NWD1: variants seen among roughly 807,000 people sequenced by gnomAD.
NWD1 encodes NACHT domain- and WD repeat-containing protein 1.
Under a neutral mutation model 135.1 loss-of-function variants are expected in NWD1, and 129 were observed. The ratio of observed to expected loss-of-function variants is 0.96; its 90% CI spans 0.83 to 1.11. NWD1 has a LOEUF of 1.11. Among genes scored for constraint, NWD1 ranks in the 50% least tolerant of loss-of-function variants. The pLI is 0.00. For synonymous variants in NWD1, 773 were observed against 786.0 expected (o/e 0.98, Z 0.28); for missense variants, 1,740 against 1,851.3 (o/e 0.94, Z 1.10).
At chr19:16,784,752 A>G (rs890002606) in intron 12 of NWD1, among the ~76,000 whole-genome samples, 3 of 151,930 alleles carry the variant, frequency 2.0e-5, no homozygotes, top group African/African-American at 7.3e-5. Context: ...AACATGGTGA[A>G]CCCCTGTCTC....
intron 5 of NWD1, among the ~76,000 whole-genome samples, chr19:16,746,519 A>G (rs1334752253): frequency 2.7e-5 from 4 of 149,692 alleles, no homozygotes; most frequent in Non-Finnish European, 5.9e-5. Flanking sequence ...CTAAAATTAC[A>G]AAAATTAGCT....
Position 16,785,164 on chromosome 19 carries a change from G to A in NWD1, c.2732-3818G>A, listed in dbSNP as rs969992830. Reference sequence around the variant, plus strand: ...ATGTTCTGGAACTAGATAGAGTGATGGTTGCACAACACTGTGAATGGCTAA... The same window carrying A: ...ATGTTCTGGAACTAGATAGAGTGATAGTTGCACAACACTGTGAATGGCTAA... On this transcript the variant is annotated intron_variant, in intron 12 of 18. Coordinates refer to ENST00000524140, the MANE Select transcript of NWD1 (RefSeq NM_001007525.5). 2.1e-3 allele frequency among the ~76,000 whole-genome samples: 316 copies of A among 152,006 alleles called. 9 individuals carry two copies. Among genetic ancestry groups the A allele is most frequent in the Admixed American group, 0.021 (316 of 15,220 alleles).
At chr19:16,804,237 T>C (rs1228333642) in intron 17 of NWD1, among the ~76,000 whole-genome samples, 1 of 152,104 alleles carries the variant, frequency 6.6e-6, no homozygotes, top group Non-Finnish European at 1.5e-5. Context: ...CCAGTCTTAG[T>C]CAATTCCGGC....
At chr19:16,737,571 T>C (rs1026905699) in intron 4 of NWD1, among the ~76,000 whole-genome samples, 1 of 151,894 alleles carries the variant, frequency 6.6e-6, no homozygotes, top group Non-Finnish European at 1.5e-5. Flanking sequence ...TTTAAGTTTT[T>C]TTTTTTTTTT....
chr19:16,791,049 T>G (rs1970226479), intron 13 of NWD1, among the ~76,000 whole-genome samples: 1 of 151,800 alleles, frequency 6.6e-6, no homozygotes, highest in African/African-American at 2.4e-5. Context: ...CTGGGCAACA[T>G]AGTCAGACCC....
intron 10 of NWD1, among the ~76,000 whole-genome samples, chr19:16,770,406 T>G (rs981588609): frequency 1.3e-5 from 2 of 152,170 alleles, no homozygotes; most frequent in African/African-American, 2.4e-5. Flanking sequence ...GATTGTAAGT[T>G]TCCTGAGGCC....
chr19:16,747,310 C>G (rs962531699), intron 5 of NWD1, among the ~76,000 whole-genome samples: 1 of 151,136 alleles, frequency 6.6e-6, no homozygotes, highest in African/African-American at 2.4e-5. Context: ...GCTGGGATTA[C>G]AGGTATGAGC....
intron 4 of NWD1, among the ~76,000 whole-genome samples, chr19:16,738,875 CATTATAT>C (rs935509426): frequency 1.8e-4 from 25 of 140,424 alleles, no homozygotes; most frequent in Non-Finnish European, 2.7e-4. Flanking sequence ...ATATATAATA[CATTATAT>C]ATTATATATA....
At position 16,815,254 on chromosome 19, in the gene NWD1, G is replaced by A. The variant is rs777545288; in HGVS notation, c.*215G>A. 1.0e-5 allele frequency: 8 copies of A among 782,160 alleles called. No individual in the cohort carries two copies. The highest frequency in any genetic ancestry group is 1.9e-5 in the Non-Finnish European group (8 of 419,280). 48.5% of individuals were successfully genotyped at this position (782,160 alleles called of 1,614,324 possible). ...TAGTTGCAGCTGCAGGAGCTCCCCAGGACTTGGAGTCAGAAAGTGCCCAGG... is the reference window on the plus strand; with the variant it reads ...TAGTTGCAGCTGCAGGAGCTCCCCAAGACTTGGAGTCAGAAAGTGCCCAGG... On this transcript the variant is annotated 3_prime_UTR_variant, in exon 19 of 19. Transcript: ENST00000524140.
intron 10 of NWD1, among the ~76,000 whole-genome samples, chr19:16,770,044 C>T (rs1399938558): frequency 1.3e-5 from 2 of 152,132 alleles, no homozygotes; most frequent in Non-Finnish European, 2.9e-5. Flanking sequence ...TTTTCTTTTG[C>T]ATCATCTGTC....
chr19:16,760,317 G>T (rs181519606), intron 7 of NWD1, among the ~76,000 whole-genome samples: 1 of 150,806 alleles, frequency 6.6e-6, no homozygotes, highest in African/African-American at 2.4e-5. Context: ...CAGTACAGTG[G>T]TTGTCATCAT....
At position 16,749,370 on chromosome 19, in the gene NWD1, G is replaced by A. The variant is rs201116385; in HGVS notation, c.728G>A (p.Arg243His). Residue 243 changes from arginine (R) to histidine (H), a missense_variant, in exon 6 of 19, where the codon CGC becomes CAC. Physicochemically the swap from Arg to His is conservative, Grantham distance 29. Coordinates refer to ENST00000524140, the MANE Select transcript of NWD1 (RefSeq NM_001007525.5). The stretch of plus-strand genomic sequence containing the variant: ...CACCCAGGGGTCCTCAAGACCCACC[G>A]CCTGCCGTGGAGCCGCGACTTGGTG... ...DMHPGVLKTHRLPWSRDLVNP... is the reference protein window; with the variant it reads ...DMHPGVLKTHHLPWSRDLVNP... 89 of 1,613,590 alleles carry A rather than the reference G, an allele frequency of 5.5e-5. No individual in the cohort carries two copies. The highest frequency in any genetic ancestry group is 7.4e-5 in the Non-Finnish European group (87 of 1,179,750).
chr19:16,814,310 A>G (rs2144541660), intron 18 of NWD1, among the ~76,000 whole-genome samples: 1 of 152,338 alleles, frequency 6.6e-6, no homozygotes, highest in Non-Finnish European at 1.5e-5. Flanking sequence ...TAGTAGGCTT[A>G]GGTTTGAGGC....
In NWD1 at chr19:16,754,374, A is replaced by T. The variant is rs571499565; in HGVS notation, c.1769+3963A>T. 5.4e-5 allele frequency among the ~76,000 whole-genome samples: 8 copies of T among 147,474 alleles called. No homozygotes were observed. In the South Asian group the frequency reaches 1.5e-3, roughly 28 times the overall value. On this transcript the variant is annotated intron_variant, in intron 6 of 18. Transcript: ENST00000524140. ...TTTCCATCCATCATCTCTATCATCCATCCACCCATCATCTCTATCTTCCAT... is the reference window on the plus strand; with the variant it reads ...TTTCCATCCATCATCTCTATCATCCTTCCACCCATCATCTCTATCTTCCAT...
intron 18 of NWD1, among the ~76,000 whole-genome samples, chr19:16,808,837 A>G (rs1970835590): frequency 6.6e-6 from 1 of 152,022 alleles, no homozygotes; most frequent in South Asian, 2.1e-4. Flanking sequence ...CTCACCCGGC[A>G]CTTTGGGAGG....
chr19:16,757,612 G>A (rs115264807), intron 6 of NWD1, among the ~76,000 whole-genome samples: 7,737 of 152,182 alleles, frequency 0.051, 251 homozygotes, highest in African/African-American at 0.097. Context: ...TTCAGGCTAG[G>A]CGGGTCCTCT....
At chr19:16,749,069 C>A in intron 5 of NWD1, 70 bp from the exon 6 acceptor site, 2 of 1,253,312 alleles carry the variant, frequency 1.6e-6, no homozygotes, top group Non-Finnish European at 2.2e-6. Flanking sequence ...GGTCTCCCAG[C>A]AACCCCATTT....
chr19:16,759,207 CA>C lies in NWD1; in HGVS notation c.1770-17del, dbSNP rs1739771945. The C allele has an allele frequency of 6.2e-7, 1 of 1,604,862 alleles. No homozygotes were observed. Among genetic ancestry groups the C allele is most frequent in the Non-Finnish European group, 8.5e-7 (1 of 1,171,802 alleles). ...AGACATGAGATGTGCCTCAAAGCCC[CA>C]CTGGTCCTCCCTTCAGACACGGTCT... On this transcript the variant is annotated splice_polypyrimidine_tract_variant and intron_variant, in intron 6 of 18. Coordinates refer to ENST00000524140, the MANE Select transcript of NWD1 (RefSeq NM_001007525.5).
At chr19:16,753,079 G>A (rs1055860798) in intron 6 of NWD1, among the ~76,000 whole-genome samples, 1 of 152,188 alleles carries the variant, frequency 6.6e-6, no homozygotes, top group Non-Finnish European at 1.5e-5. Context: ...AGTTGACTTG[G>A]AGGAAGTGAG....
Sources: gnomAD v4.1 joint callset for allele counts (sites outside exome capture counted in the v4.1 genomes callset) on GRCh38, gnomAD v4.1.1 for gene constraint, MANE v1.5 for transcripts, NCBI Gene and HGNC (gene_info 2026-07-23, HGNC 2026-07-21) for gene names.